Variants in HERC2 observed in about 807,000 individuals in gnomAD.
HERC2 encodes E3 ubiquitin-protein ligase HERC2.
Under a neutral mutation model 537.7 loss-of-function variants are expected in HERC2, and 102 were observed. The ratio of observed to expected loss-of-function variants is 0.19; its 90% CI spans 0.16 to 0.22. The LOEUF (loss-of-function observed/expected upper bound fraction) is 0.22. HERC2 is among the 10% of genes least tolerant of loss of function. The pLI, the probability that HERC2 is intolerant of heterozygous loss-of-function variation, is 1.00. For synonymous variants in HERC2, 2,224 were observed against 2,466.2 expected, an observed-to-expected ratio of 0.90 and a Z score of 2.91; for missense variants, 4,236 against 6,198.2, an observed-to-expected ratio of 0.68 and a Z score of 10.63.
Position 28,142,853 on chromosome 15 carries a change from G to C in HERC2, c.11518C>G (p.Gln3840Glu). The change falls in exon 75 of 93, where the codon CAG (glutamine) becomes GAG (glutamate). Residue 3840 changes from glutamine (Q) to glutamate (E), a missense_variant. Gln to Glu is a conservative substitution (Grantham distance 29). Around this residue, in one of 27 missense-constraint regions of HERC2, gnomAD observed 23 missense variants for 60.0 expected, o/e 0.38. Coordinates refer to ENST00000261609, the MANE Select transcript of HERC2 (RefSeq NM_004667.6). ...TTAAAGAATGGGCTGTGGAGCAGCTGTTTGCCACCCCTCACAATAGGATCT... is the reference window on the plus strand; with the variant it reads ...TTAAAGAATGGGCTGTGGAGCAGCTCTTTGCCACCCCTCACAATAGGATCT... ...YEDPIVRGGKQLLHSPFFKVL... is the reference protein window; with the variant it reads ...YEDPIVRGGKELLHSPFFKVL... The C allele has an allele frequency of 6.3e-7, 1 of 1,581,608 alleles. No individual in the cohort carries two copies.
intron 16 of HERC2, 52 bp from the exon 17 acceptor site, chr15:28,257,313 C>A: frequency 6.6e-7 from 1 of 1,514,642 alleles, no homozygotes; most frequent in South Asian, 1.2e-5. Flanking sequence ...AGCTGCTGGT[C>A]TGCTCCACAG....
At chr15:28,191,450 T>C (rs7166814) in intron 53 of HERC2, among the ~76,000 whole-genome samples, 17,747 of 152,122 alleles carry the variant, frequency 0.12, 3,484 homozygotes, top group African/African-American at 0.41. Flanking sequence ...ACTCTAAGAC[T>C]CAGAAACCAT....
Position 28,265,977 on chromosome 15 carries a change from T to C in HERC2, c.1599-3A>G. On this transcript the variant is annotated splice_polypyrimidine_tract_variant and splice_region_variant and intron_variant, in intron 12 of 92. Transcript: ENST00000261609. This position sits in a 1 kb window ranked among gnomAD's most constrained non-coding sequence, Gnocchi z 4.0. ...TCACCTTAGGCTCCTCCAAAGGCCT[T>C]GGGGAGAAAGGGAACAAACATGAAT... The C allele has an allele frequency of 1.2e-6, 2 of 1,613,638 alleles. No individual in the cohort carries two copies. The highest frequency in any genetic ancestry group is 1.7e-6 in the Non-Finnish European group (2 of 1,179,734).
At chr15:28,299,553 C>T (rs2076562425) in intron 2 of HERC2, 37 bp from the exon 3 acceptor site, 1 of 1,085,416 alleles carries the variant, frequency 9.2e-7, no homozygotes, top group African/African-American at 1.5e-5. Flanking sequence ...ACAGAGTGCT[C>T]ACACTCACAT....
chr15:28,188,974 G>A (rs1896580709), intron 55 of HERC2, among the ~76,000 whole-genome samples: 1 of 152,094 alleles, frequency 6.6e-6, no homozygotes, highest in African/African-American at 2.4e-5. Flanking sequence ...TGTAATCCCA[G>A]CTACTCGGAA....
intron 35 of HERC2, among the ~76,000 whole-genome samples, chr15:28,226,250 T>A (rs1487359484): frequency 6.6e-6 from 1 of 152,166 alleles, no homozygotes; most frequent in Non-Finnish European, 1.5e-5. Context: ...AAAATCCCAA[T>A]GGTCTTTTTT....
intron 37 of HERC2, among the ~76,000 whole-genome samples, chr15:28,218,917 C>T (rs1277593655): frequency 1.3e-5 from 2 of 152,050 alleles, no homozygotes; most frequent in African/African-American, 2.4e-5. Flanking sequence ...GCAGCTTTGA[C>T]CTCGCAGGGT....
At chr15:28,119,689 A>C (rs1888668609) in intron 86 of HERC2, among the ~76,000 whole-genome samples, 1 of 152,050 alleles carries the variant, frequency 6.6e-6, no homozygotes, top group Non-Finnish European at 1.5e-5. Flanking sequence ...CCTAGGCTCA[A>C]GCAATCCATC....
intron 20 of HERC2, among the ~76,000 whole-genome samples, chr15:28,253,013 C>G (rs1275586099): frequency 2.6e-5 from 4 of 152,250 alleles, no homozygotes; most frequent in African/African-American, 7.2e-5. Context: ...CCTGACCCAA[C>G]CTGCCAGTGC....
intron 38 of HERC2, 67 bp downstream of exon 38, chr15:28,218,422 A>T: frequency 7.2e-7 from 1 of 1,387,076 alleles, no homozygotes; most frequent in Non-Finnish European, 9.9e-7. Flanking sequence ...CACCCACATG[A>T]ACACCCAGAC....
rs548963119 is a variant in HERC2 at position 28,129,749 on chromosome 15, A to G, written c.12802+414T>C. Among the ~76,000 whole-genome samples, 19 of 149,568 alleles carry G rather than the reference A, an allele frequency of 1.3e-4. No individual in the cohort carries two copies. The South Asian group carries it at 3.4e-3, about 27-fold the overall frequency. On this transcript the variant is annotated intron_variant, in intron 83 of 92. Transcript: ENST00000261609. Reference sequence around the variant, plus strand: ...CCAAAGCCCTGCTGACTGCAGATAGATTCTCAGGACACAGTATAAGCCTCT... The same window carrying G: ...CCAAAGCCCTGCTGACTGCAGATAGGTTCTCAGGACACAGTATAAGCCTCT...
chr15:28,214,505 G>A, intron 40 of HERC2, 150 bp downstream of exon 40: 2 of 1,112,250 alleles, frequency 1.8e-6, no homozygotes, highest in Non-Finnish European at 2.7e-6. Context: ...TCTTCACCAG[G>A]GCACAGGGAA....
chr15:28,240,114 A>G (rs1372478671), intron 23 of HERC2, among the ~76,000 whole-genome samples: 7 of 152,274 alleles, frequency 4.6e-5, no homozygotes, highest in South Asian at 4.1e-4. Flanking sequence ...TAAAGACAGA[A>G]TTATGCTTTA....
In HERC2 at chr15:28,277,825, C is replaced by T. The variant is rs143619308; in HGVS notation, c.542+2243G>A. ...TTTTCAAAAATACAACATGTACAGT[C>T]GTCCCTTGGTATCTGTAGGGGATTG... On this transcript the variant is annotated intron_variant, in intron 5 of 92. Transcript: ENST00000261609. Among the ~76,000 whole-genome samples, 503 of 152,274 alleles carry T rather than the reference C, an allele frequency of 3.3e-3. 3 individuals carry two copies. Among genetic ancestry groups the T allele is most frequent in the African/African-American group, 0.011 (477 of 41,556 alleles).
intron 44 of HERC2, among the ~76,000 whole-genome samples, chr15:28,210,288 C>T (rs1276727666): frequency 6.6e-6 from 1 of 152,114 alleles, no homozygotes; most frequent in South Asian, 2.1e-4. Context: ...CGTCCGCCAC[C>T]GTGCCCAGCT....
At chr15:28,285,360 G>A (rs1303764776) in intron 4 of HERC2, among the ~76,000 whole-genome samples, 1 of 152,064 alleles carries the variant, frequency 6.6e-6, no homozygotes, top group Non-Finnish European at 1.5e-5. Context: ...CTCAAACAAT[G>A]GAAACAAATT....
chr15:28,249,320 G>A (rs1353054294), intron 20 of HERC2, among the ~76,000 whole-genome samples: 1 of 152,196 alleles, frequency 6.6e-6, no homozygotes, highest in Non-Finnish European at 1.5e-5. Flanking sequence ...AGTCCAGGAA[G>A]GAAGACCAAA....
rs1900269271 is a variant in HERC2 at position 28,219,323 on chromosome 15, G to A, written c.5846-652C>T. 1.3e-5 allele frequency among the ~76,000 whole-genome samples: 2 copies of A among 152,210 alleles called. 1 individual carries two copies. ...AAATGAGGCCACCCTCTGCCGTGGG[G>A]CCACCCCTGCCCAGGCTCTGATGCC... On this transcript the variant is annotated intron_variant, in intron 37 of 92. Transcript: ENST00000261609.
At chr15:28,266,812 A>G (rs2075580814) in intron 12 of HERC2, among the ~76,000 whole-genome samples, 1 of 152,176 alleles carries the variant, frequency 6.6e-6, no homozygotes, top group Admixed American at 6.5e-5. Flanking sequence ...CCTGGAAGCG[A>G]TGGGAGCGCC....
Sources: gnomAD v4.1 joint callset for allele counts (sites outside exome capture counted in the v4.1 genomes callset) on GRCh38, gnomAD v4.1.1 for gene constraint, gnomAD v4.1.1 regional missense constraint, Gnocchi (gnomAD v3.1) non-coding constraint, MANE v1.5 for transcripts, NCBI Gene and HGNC (gene_info 2026-07-23, HGNC 2026-07-21) for gene names.